ANKRD6: variants seen among roughly 807,000 people sequenced by gnomAD.
ANKRD6 encodes the protein ankyrin repeat domain-containing protein 6.
ANKRD6 carries 56 observed loss-of-function variants against 82.3 expected under a neutral mutation model. The ratio of observed to expected loss-of-function variants is 0.68; its 90% CI spans 0.55 to 0.85. The LOEUF (loss-of-function observed/expected upper bound fraction) is 0.85, where lower values mean the gene tolerates loss of function less well. Ranked by LOEUF, ANKRD6 falls within the 40% of genes least tolerant of loss-of-function variation. The pLI, the probability that ANKRD6 is intolerant of heterozygous loss-of-function variation, is 0.00. For synonymous variants in ANKRD6, 347 were observed against 352.1 expected (o/e 0.99, Z 0.16); for missense variants, 852 against 907.6 (o/e 0.94, Z 0.79).
chr6:89,469,367 A>G (rs962963346), intron 1 of ANKRD6, among the ~76,000 whole-genome samples: 1 of 152,046 alleles, frequency 6.6e-6, no homozygotes, highest in Non-Finnish European at 1.5e-5. Context: ...AATCCTTTCA[A>G]TTTGTAAGTC....
chr6:89,553,965 A>G (rs1292992173), intron 1 of ANKRD6, among the ~76,000 whole-genome samples: 1 of 152,194 alleles, frequency 6.6e-6, no homozygotes, highest in Non-Finnish European at 1.5e-5. Flanking sequence ...AAGTATTTAC[A>G]GGTGTTGAAG....
In ANKRD6 at chr6:89,478,900, T is replaced by C. The variant is rs535147623; in HGVS notation, c.-144+45525T>C. Among the ~76,000 whole-genome samples, 9 of 152,076 alleles carry C rather than the reference T, an allele frequency of 5.9e-5. No homozygotes were observed. The South Asian group carries it at 1.9e-3, about 32-fold the overall frequency. On this transcript the variant is annotated intron_variant, in intron 1 of 15. Coordinates refer to ENST00000339746, the MANE Select transcript of ANKRD6 (RefSeq NM_001242809.2). Reference sequence around the variant, plus strand: ...CTAAGAAGAGGGGCCTGAAAAGATGTTTCCCTCACAGCCCTCGGAAGTAGC... The same window carrying C: ...CTAAGAAGAGGGGCCTGAAAAGATGCTTCCCTCACAGCCCTCGGAAGTAGC...
chr6:89,570,885 A>G (rs1789710971), intron 2 of ANKRD6, among the ~76,000 whole-genome samples: 1 of 152,086 alleles, frequency 6.6e-6, no homozygotes, highest in Non-Finnish European at 1.5e-5. Flanking sequence ...CCTTGCTTTC[A>G]TATCTTTTGG....
chr6:89,585,906 C>T (rs1793588843), intron 2 of ANKRD6, among the ~76,000 whole-genome samples: 1 of 151,534 alleles, frequency 6.6e-6, no homozygotes, highest in African/African-American at 2.4e-5. Context: ...CTCTGTCTCA[C>T]AAAAAAAGAA....
At chr6:89,573,979 G>A (rs188312336) in intron 2 of ANKRD6, among the ~76,000 whole-genome samples, 4 of 152,270 alleles carry the variant, frequency 2.6e-5, no homozygotes, top group African/African-American at 9.6e-5. Context: ...TATGCATTCT[G>A]TGTCCTTCAT....
chr6:89,582,496 T>C (rs1294749259), intron 2 of ANKRD6, among the ~76,000 whole-genome samples: 1 of 152,208 alleles, frequency 6.6e-6, no homozygotes, highest in Non-Finnish European at 1.5e-5. Context: ...CAGCCCCGTC[T>C]TAATTATTTT....
chr6:89,589,795 A>G (rs906011654), intron 2 of ANKRD6, among the ~76,000 whole-genome samples: 5 of 152,154 alleles, frequency 3.3e-5, no homozygotes, highest in Non-Finnish European at 7.3e-5. Flanking sequence ...GTGGGGACAC[A>G]TTTTTGTGGT....
chr6:89,580,395 A>G (rs146261866), intron 2 of ANKRD6, among the ~76,000 whole-genome samples: 339 of 152,252 alleles, frequency 2.2e-3, no homozygotes, highest in Non-Finnish European at 3.3e-3. Flanking sequence ...AGAGAAATGC[A>G]AAGAGTTCAA....
chr6:89,511,278 T>G (rs1481253828), intron 1 of ANKRD6, among the ~76,000 whole-genome samples: 1 of 152,192 alleles, frequency 6.6e-6, no homozygotes, highest in Admixed American at 6.5e-5. Flanking sequence ...GGCTATGGCT[T>G]GTAGCCATTT....
intron 6 of ANKRD6, among the ~76,000 whole-genome samples, 182 bp from the exon 7 acceptor site, chr6:89,613,610 C>G (rs1427358922): frequency 6.6e-6 from 1 of 152,192 alleles, no homozygotes; most frequent in Non-Finnish European, 1.5e-5. Context: ...GGGAGCAGGG[C>G]TGCCCACAGC....
intron 1 of ANKRD6, chr6:89,562,460 C>T (rs1057056822): frequency 1.3e-5 from 2 of 152,252 alleles, no homozygotes; most frequent in Non-Finnish European, 2.9e-5. Flanking sequence ...ACAACACGCA[C>T]ACTCATCTTT....
chr6:89,447,854 A>ATTTTTTTTTTTTTTTTTTTTT, intron 1 of ANKRD6, among the ~76,000 whole-genome samples: 1 of 119,008 alleles, frequency 8.4e-6, no homozygotes, highest in Non-Finnish European at 1.7e-5. Context: ...CGCCCAGCTA[A>ATTTTTTTTTTTTTTTTTTTTT]TTTTTTTTTT....
At chr6:89,509,215 G>T (rs1780244051) in intron 1 of ANKRD6, 1 of 152,312 alleles carries the variant, frequency 6.6e-6, no homozygotes, top group Non-Finnish European at 1.5e-5. Flanking sequence ...TGCCCAGAGG[G>T]GCGCATCCAG....
intron 1 of ANKRD6, among the ~76,000 whole-genome samples, chr6:89,514,822 T>C (rs1043547678): frequency 1.3e-5 from 2 of 152,190 alleles, no homozygotes; most frequent in Admixed American, 1.3e-4. Context: ...CAGGCACAGG[T>C]GTTAAAAGAG....
chr6:89,627,637 T>G lies in ANKRD6; in HGVS notation c.1426T>G (p.Cys476Gly), dbSNP rs758826534. 6.2e-7 allele frequency: 1 copy of G among 1,613,280 alleles called. No homozygotes were observed. Among genetic ancestry groups the G allele is most frequent in the Non-Finnish European group, 8.5e-7 (1 of 1,179,644 alleles). ...GCGACTTTCTGCAGAGAGGACGGAG[T>G]GCCTGAACCGCCTGCAACAGCACTC... ...VERLSAERTE[C>G]LNRLQQHSDT... The change falls in exon 14 of 16, where the codon TGC becomes GGC. Residue 476 changes from cysteine (C) to glycine (G), a missense_variant. Transcript: ENST00000339746.
chr6:89,616,694 C>A, intron 8 of ANKRD6, 37 bp downstream of exon 8: 1 of 1,590,964 alleles, frequency 6.3e-7, no homozygotes, highest in South Asian at 1.1e-5. Flanking sequence ...TAAAGTGGTT[C>A]CCACCCCTTT....
At chr6:89,577,230 G>A (rs992581084) in intron 2 of ANKRD6, among the ~76,000 whole-genome samples, 1 of 151,890 alleles carries the variant, frequency 6.6e-6, no homozygotes, top group Non-Finnish European at 1.5e-5. Flanking sequence ...CTTCTTTTGG[G>A]TCTTTGACAT....
Position 89,621,928 on chromosome 6 carries a change from C to G in ANKRD6, c.799C>G (p.Arg267Gly). 1.2e-6 allele frequency: 2 copies of G among 1,613,914 alleles called. No homozygotes were observed. The highest frequency in any genetic ancestry group is 2.2e-5 in the South Asian group (2 of 91,070). Reference protein sequence around the residue: ...LLLTKAPQVLRFSRGRSLRKK... With the variant: ...LLLTKAPQVLGFSRGRSLRKK... ...TGCCGTTTGCCTCCTTCAGGTCTTG[C>G]GCTTCAGTCGTGGGCGAAGCCTGAG... Residue 267 changes from arginine (R) to glycine (G), a missense_variant, in exon 10 of 16, where the codon CGC becomes GGC. Transcript: ENST00000339746.
At chr6:89,471,810 G>T (rs1362105745) in intron 1 of ANKRD6, among the ~76,000 whole-genome samples, 1 of 151,808 alleles carries the variant, frequency 6.6e-6, no homozygotes, top group African/African-American at 2.4e-5. Context: ...CCTGACTGGA[G>T]TGGCTTCAAG....
Sources: allele counts gnomAD v4.1 joint callset (sites outside exome capture counted in the v4.1 genomes callset), GRCh38; gene constraint gnomAD v4.1.1; transcripts MANE v1.5; gene names NCBI Gene and HGNC (gene_info 2026-07-23, HGNC 2026-07-21).